The following MED23 variants were observed in gnomAD, a reference collection of about 807,000 sequenced individuals.
The protein encoded by MED23 is mediator complex subunit 23, also known as mediator of RNA polymerase II transcription subunit 23.
A neutral mutation model predicts 163.9 loss-of-function variants in MED23; 105 were observed. The ratio of observed to expected loss-of-function variants is 0.64; its 90% confidence interval spans 0.55 to 0.75. The LOEUF (loss-of-function observed/expected upper bound fraction) is 0.75, where lower values mean the gene tolerates loss of function less well. Among genes scored for constraint, MED23 ranks in the 30% least tolerant of loss-of-function variants. MED23 has a pLI of 0.00. For synonymous variants in MED23, 561 were observed against 565.6 expected, an observed-to-expected ratio of 0.99 and a Z score of 0.12; for missense variants, 1,054 against 1,649.0, an observed-to-expected ratio of 0.64 and a Z score of 6.25.
At chr6:131,601,763 T>C (rs1421472864) in intron 17 of MED23, among the ~76,000 whole-genome samples, 1 of 152,216 alleles carries the variant, frequency 6.6e-6, no homozygotes, top group African/African-American at 2.4e-5. Flanking sequence ...ACTAAAGTTT[T>C]GCTTTAGAAA....
At chr6:131,627,156 GT>G (rs1406002221) in intron 3 of MED23, 10,798 of 391,224 alleles carry the variant, frequency 0.028, 68 homozygotes, top group African/African-American at 0.046. Context: ...CATAGGGGAG[GT>G]TTTTTTTTTT....
At chr6:131,613,956 C>T (rs1449976978) in intron 10 of MED23, among the ~76,000 whole-genome samples, 1 of 152,080 alleles carries the variant, frequency 6.6e-6, no homozygotes, top group Non-Finnish European at 1.5e-5. Context: ...ACCATGGGTA[C>T]ATTTATCCAC....
At chr6:131,592,694 TA>T in intron 24 of MED23, 1 of 600,656 alleles carries the variant, frequency 1.7e-6, no homozygotes, top group Non-Finnish European at 2.9e-6. Context: ...TGCTAATTTT[TA>T]AAAGAATCTT....
In MED23 at chr6:131,627,497, A is replaced by G; in HGVS notation, c.72-14T>C. Reference sequence around the variant, plus strand: ...TCCATAAACATGCTAAAAAAATAAAAATTACATTATTTGTCATTCGTTTTA... The same window carrying G: ...TCCATAAACATGCTAAAAAAATAAAGATTACATTATTTGTCATTCGTTTTA... On this transcript the variant is annotated splice_polypyrimidine_tract_variant and intron_variant, in intron 2 of 28. Coordinates refer to ENST00000368068, the MANE Select transcript of MED23 (RefSeq NM_004830.4). The G allele has an allele frequency of 1.2e-6, 2 of 1,608,034 alleles. No individual in the cohort carries two copies. Among genetic ancestry groups the G allele is most frequent in the Non-Finnish European group, 1.7e-6 (2 of 1,174,614 alleles).
At chr6:131,622,375 C>A (rs1314331828) in intron 5 of MED23, among the ~76,000 whole-genome samples, 1 of 152,200 alleles carries the variant, frequency 6.6e-6, no homozygotes, top group East Asian at 1.9e-4. Context: ...TTTCTGCTCA[C>A]TCCCTTTTGT....
At chr6:131,575,292 A>G (rs2114514231) in intron 30 of MED23, among the ~76,000 whole-genome samples, 1 of 152,334 alleles carries the variant, frequency 6.6e-6, no homozygotes, top group Admixed American at 6.5e-5. Context: ...ACACTACAAA[A>G]TATAGTGCCC....
rs1411994774 is a variant in MED23 at position 131,598,785 on chromosome 6, T to G, written c.2221-24A>C. ...GCCTAAAAAGAGGATTAGAAGTTTATTTCATTGGTTATAGTAGAAAGAGCA... is the reference window on the plus strand; with the variant it reads ...GCCTAAAAAGAGGATTAGAAGTTTAGTTCATTGGTTATAGTAGAAAGAGCA... On this transcript the variant is annotated intron_variant, in intron 18 of 28. Transcript: ENST00000368068. This position sits in a 1 kb window ranked among gnomAD's most constrained non-coding sequence, Gnocchi z 4.7. 2.5e-6 allele frequency: 4 copies of G among 1,603,176 alleles called. No homozygotes were observed. Among genetic ancestry groups the G allele is most frequent in the Non-Finnish European group, 3.4e-6 (4 of 1,170,076 alleles).
chr6:131,578,910 C>T (rs982341943), intron 30 of MED23, among the ~76,000 whole-genome samples: 4 of 152,036 alleles, frequency 2.6e-5, no homozygotes, highest in African/African-American at 9.7e-5. Flanking sequence ...AGTATACAGC[C>T]GCACCAGTGT....
At chr6:131,576,810 T>A (rs893412803) in intron 30 of MED23, 2 of 1,304,992 alleles carry the variant, frequency 1.5e-6, no homozygotes, top group African/African-American at 2.9e-5. Context: ...CCTGTGAACC[T>A]GGAGTGTGTC....
intron 10 of MED23, among the ~76,000 whole-genome samples, chr6:131,610,836 G>A (rs1439032857): frequency 1.3e-5 from 2 of 152,056 alleles, no homozygotes; most frequent in African/African-American, 4.8e-5. Context: ...TCTTCCACAA[G>A]AGGAAAAAAA....
chr6:131,607,383 A>C (rs1248956186), intron 12 of MED23, among the ~76,000 whole-genome samples: 1 of 152,050 alleles, frequency 6.6e-6, no homozygotes, highest in East Asian at 2.0e-4. Context: ...TGTCTCTACC[A>C]AAAATACAAA....
At position 131,621,865 on chromosome 6, in the gene MED23, G is replaced by A; in HGVS notation, c.495+16C>T. The A allele has an allele frequency of 1.3e-6, 2 of 1,569,636 alleles. No individual in the cohort carries two copies. The highest frequency in any genetic ancestry group is 2.3e-5 in the South Asian group (2 of 86,758). ...TTTGAGGTTATGATCACGAATTTCAGACATGTCTAAATTACCTCTCTTGCT... is the reference window on the plus strand; with the variant it reads ...TTTGAGGTTATGATCACGAATTTCAAACATGTCTAAATTACCTCTCTTGCT... On this transcript the variant is annotated intron_variant, in intron 6 of 28. Coordinates refer to ENST00000368068, the MANE Select transcript of MED23 (RefSeq NM_004830.4).
At chr6:131,595,726 T>C (rs1380685462) in intron 22 of MED23, among the ~76,000 whole-genome samples, 1 of 152,244 alleles carries the variant, frequency 6.6e-6, no homozygotes, top group Non-Finnish European at 1.5e-5. Flanking sequence ...ATCTGTTTAG[T>C]TTACAGTAAC....
chr6:131,621,986 T>C lies in MED23; in HGVS notation c.397-7A>G, dbSNP rs775970481. The C allele has an allele frequency of 1.4e-5, 23 of 1,603,474 alleles. No homozygotes were observed. Among genetic ancestry groups the C allele is most frequent in the South Asian group, 5.5e-5 (5 of 90,828 alleles). On this transcript the variant is annotated splice_region_variant and splice_polypyrimidine_tract_variant and intron_variant, in intron 5 of 28. Coordinates refer to ENST00000368068, the MANE Select transcript of MED23 (RefSeq NM_004830.4). ...TTAAGAGATCTCGAACACCCTGATA[T>C]AAGAAAAAAGACATGGGTTAAAATT...
intron 21 of MED23, 162 bp from the exon 22 acceptor site, chr6:131,596,325 T>TAAA (rs1775045363): frequency 1.2e-6 from 1 of 858,786 alleles, no homozygotes; most frequent in Admixed American, 2.4e-5. Context: ...TTATGTCCAC[T>TAAA]AAAACTGCAG....
At chr6:131,584,234 G>T (rs1039354514), downstream of MED23, 5 of 281,554 alleles carry the variant, frequency 1.8e-5, no homozygotes, top group Non-Finnish European at 3.4e-5. Context: ...TGGGACTCTT[G>T]GAATCAGGAG....
At chr6:131,625,889 G>A (rs1204699578) in intron 3 of MED23, among the ~76,000 whole-genome samples, 3 of 151,966 alleles carry the variant, frequency 2.0e-5, no homozygotes, top group East Asian at 1.9e-4. Flanking sequence ...TTGGGAGGCC[G>A]AGGTGGGCAG....
intron 30 of MED23, chr6:131,576,851 G>A: frequency 1.1e-6 from 1 of 898,670 alleles, no homozygotes; most frequent in East Asian, 2.7e-5. Context: ...TGCGGTACTG[G>A]TTACAACCCG....
chr6:131,615,940 A>G lies in MED23; in HGVS notation c.843T>C (p.Asp281=), dbSNP rs1429501658. ...RYVLEQPYSR[D]MVCNMLGLNK... The stretch of plus-strand genomic sequence containing the variant: ...TTAAACCTAGCATATTGCAGACCAT[A>G]TCCCTGGAATAAGGCTGCTCCAATA... The change falls in exon 10 of 29, where the codon GAT becomes GAC. Residue 281 remains aspartate, a synonymous_variant. Coordinates refer to ENST00000368068, the MANE Select transcript of MED23 (RefSeq NM_004830.4). 1.9e-6 allele frequency: 3 copies of G among 1,613,692 alleles called. No individual in the cohort carries two copies. The African/African-American group carries it at 4.0e-5, about 22-fold the overall frequency.
Sources: gnomAD v4.1 joint callset for allele counts (sites outside exome capture counted in the v4.1 genomes callset) on GRCh38, gnomAD v4.1.1 for gene constraint, Gnocchi (gnomAD v3.1) non-coding constraint, MANE v1.5 for transcripts, NCBI Gene and HGNC (gene_info 2026-07-23, HGNC 2026-07-21) for gene names.